TAF4B: variants seen among roughly 807,000 people sequenced by gnomAD.
TAF4B encodes the protein TATA-box binding protein associated factor 4b.
TAF4B carries 38 observed loss-of-function variants against 86.4 expected under a neutral mutation model. That is an observed-to-expected ratio of 0.44 (90% CI 0.34 to 0.58). The LOEUF (loss-of-function observed/expected upper bound fraction) is 0.58. Among genes scored for constraint, TAF4B ranks in the 20% least tolerant of loss-of-function variants. TAF4B has a pLI of 0.02. For missense variants in TAF4B, 988 were observed against 1,027.6 expected (o/e 0.96, Z 0.53); for synonymous variants, 388 against 391.2 (o/e 0.99, Z 0.10).
chr18:26,260,356 C>A (rs2056146764), intron 1 of TAF4B, among the ~76,000 whole-genome samples: 1 of 152,168 alleles, frequency 6.6e-6, no homozygotes, highest in South Asian at 2.1e-4. Context: ...AGTCCTTGCC[C>A]ATGCCTATGT....
At chr18:26,233,706 C>G (rs1347189118) in intron 1 of TAF4B, among the ~76,000 whole-genome samples, 1 of 152,164 alleles carries the variant, frequency 6.6e-6, no homozygotes, top group Non-Finnish European at 1.5e-5. Flanking sequence ...AGGACTTAAA[C>G]CACTTCCTCA....
In TAF4B at chr18:26,226,975, G is replaced by T. The variant is rs1291210680; in HGVS notation, c.42G>T (p.Pro14=). 2 of 1,390,642 alleles carry T rather than the reference G, an allele frequency of 1.4e-6. No homozygotes were observed. The highest frequency in any genetic ancestry group is 1.8e-6 in the Non-Finnish European group (2 of 1,083,558). 86.1% of individuals were successfully genotyped at this position (1,390,642 alleles called of 1,614,324 possible). A position where few individuals can be genotyped will look rare whatever the true frequency, so the allele number is the denominator to read the frequency against. The change falls in exon 1 of 15, where the codon CCG becomes CCT. Residue 14 remains proline (P), a synonymous_variant. Transcript: ENST00000269142. ...CCGAACCCGCCGGCGCCGCTCCCCC[G>T]GCTGCTGTGAGCGCCTCGGGGACCG... is the stretch of plus-strand genomic sequence containing the variant. ...GLTEPAGAAP[P]AAVSASGTVT... is the part of the protein sequence containing the mutation.
At chr18:26,310,768 G>T (rs1209954251) in intron 9 of TAF4B, among the ~76,000 whole-genome samples, 2 of 151,942 alleles carry the variant, frequency 1.3e-5, no homozygotes, top group African/African-American at 4.8e-5. Context: ...TATTACCCAG[G>T]TTCCCAGCCT....
At chr18:26,289,105 A>G (rs1384932431) in intron 7 of TAF4B, among the ~76,000 whole-genome samples, 1 of 152,212 alleles carries the variant, frequency 6.6e-6, no homozygotes, top group Non-Finnish European at 1.5e-5. Context: ...ACCATTCTAT[A>G]TGGTAATGCC....
chr18:26,239,893 G>GT (rs1173548207), intron 1 of TAF4B, among the ~76,000 whole-genome samples: 9 of 152,160 alleles, frequency 5.9e-5, no homozygotes, highest in Non-Finnish European at 1.3e-4. Context: ...AGATCAGATG[G>GT]TTGTAGATGT....
chr18:26,346,885 A>ATATATATATGTGTGTG (rs2057200338), intron 13 of TAF4B, among the ~76,000 whole-genome samples: 3 of 12,592 alleles, frequency 2.4e-4, no homozygotes, highest in Non-Finnish European at 5.7e-4. Flanking sequence ...GTGTATATAT[A>ATATATATATGTGTGTG]TATATATATA....
chr18:26,231,914 A>G (rs2055676868), intron 1 of TAF4B, among the ~76,000 whole-genome samples: 2 of 152,048 alleles, frequency 1.3e-5, no homozygotes, highest in South Asian at 4.1e-4. Flanking sequence ...GGCCCCTCCC[A>G]CGTTCTGTTT....
At chr18:26,344,222 A>G (rs2057158271) in intron 13 of TAF4B, among the ~76,000 whole-genome samples, 1 of 152,224 alleles carries the variant, frequency 6.6e-6, no homozygotes. Context: ...TTCAACTCAC[A>G]TCATAATCAA....
intron 9 of TAF4B, among the ~76,000 whole-genome samples, chr18:26,313,673 T>C (rs2056874137): frequency 6.6e-6 from 1 of 151,966 alleles, no homozygotes; most frequent in Non-Finnish European, 1.5e-5. Context: ...TCCTTGAGTT[T>C]TTTTTTTTTA....
intron 1 of TAF4B, among the ~76,000 whole-genome samples, chr18:26,245,251 C>T (rs1012387303): frequency 1.3e-5 from 2 of 152,088 alleles, no homozygotes; most frequent in Non-Finnish European, 2.9e-5. Flanking sequence ...CTGAACAAGC[C>T]CCCAAGATGT....
intron 5 of TAF4B, among the ~76,000 whole-genome samples, chr18:26,276,429 A>G (rs2056385495): frequency 6.6e-6 from 1 of 152,212 alleles, no homozygotes. Context: ...CTACTATAAT[A>G]TACAGATTTC....
At chr18:26,275,114 G>A in intron 5 of TAF4B, 61 bp downstream of exon 5, 1 of 1,465,798 alleles carries the variant, frequency 6.8e-7, no homozygotes, top group Non-Finnish European at 9.1e-7. Flanking sequence ...GTTGTAATTG[G>A]GAAATGCATA....
chr18:26,326,415 ACAC>A (rs940761783), intron 11 of TAF4B, among the ~76,000 whole-genome samples: 24 of 152,174 alleles, frequency 1.6e-4, no homozygotes, highest in African/African-American at 5.8e-4. Context: ...GTCCAAATTC[ACAC>A]CCCTGAGTAA....
chr18:26,251,808 T>C lies in TAF4B; in HGVS notation c.344-13362T>C, dbSNP rs1598726681. On this transcript the variant is annotated intron_variant, in intron 1 of 14. Coordinates refer to ENST00000269142, the MANE Select transcript of TAF4B (RefSeq NM_005640.3). The stretch of plus-strand genomic sequence containing the variant: ...TTGCTTCTCATTGGCATTGGGCCTT[T>C]GAGATAAATAATTGGTTAAGGTTGC... Among the ~76,000 whole-genome samples the C allele has an allele frequency of 2.0e-5, 3 of 152,332 alleles. No homozygotes were observed. The East Asian group carries it at 5.8e-4, about 29-fold the overall frequency.
At chr18:26,317,961 G>A (rs534170333) in intron 10 of TAF4B, among the ~76,000 whole-genome samples, 5 of 152,310 alleles carry the variant, frequency 3.3e-5, no homozygotes, top group Non-Finnish European at 7.3e-5. Flanking sequence ...GATTTGGCTT[G>A]TTGGCCATAG....
chr18:26,388,647 C>G (rs1358850094), intron 14 of TAF4B, among the ~76,000 whole-genome samples: 2 of 152,192 alleles, frequency 1.3e-5, no homozygotes, highest in African/African-American at 4.8e-5. Flanking sequence ...CTTTGCTAAT[C>G]TCTGCCTATT....
At chr18:26,302,510 C>T (rs143959676) in intron 9 of TAF4B, among the ~76,000 whole-genome samples, 408 of 150,622 alleles carry the variant, frequency 2.7e-3, no homozygotes, top group Admixed American at 5.8e-3. Context: ...AACAGGTACA[C>T]GCCATAACAA....
chr18:26,264,825 T>C (rs1473509508), intron 1 of TAF4B, among the ~76,000 whole-genome samples: 1 of 152,138 alleles, frequency 6.6e-6, no homozygotes, highest in Non-Finnish European at 1.5e-5. Flanking sequence ...TCTGCATGAG[T>C]TGATTTGGGG....
intron 14 of TAF4B, among the ~76,000 whole-genome samples, chr18:26,370,453 C>T (rs1254954992): frequency 6.6e-6 from 1 of 152,088 alleles, no homozygotes; most frequent in Non-Finnish European, 1.5e-5. Context: ...ATTGAACCAC[C>T]CTTGCCAGTC....
Sources: allele counts gnomAD v4.1 joint callset (sites outside exome capture counted in the v4.1 genomes callset), GRCh38; gene constraint gnomAD v4.1.1; transcripts MANE v1.5; gene names NCBI Gene and HGNC (gene_info 2026-07-23, HGNC 2026-07-21).